Variants in SEC24B observed in about 807,000 individuals in gnomAD.
SEC24B encodes protein transport protein Sec24B.
A neutral mutation model predicts 142.8 loss-of-function variants in SEC24B; 45 were observed. The ratio of observed to expected loss-of-function variants is 0.32; its 90% CI spans 0.25 to 0.40. SEC24B has a LOEUF of 0.40. Ranked by LOEUF, SEC24B falls within the 10% of genes least tolerant of loss-of-function variation. SEC24B has a pLI of 1.00. For missense variants in SEC24B, 1,409 were observed against 1,526.8 expected (o/e 0.92, Z 1.29); for synonymous variants, 574 against 568.2 (o/e 1.01, Z -0.15).
intron 23 of SEC24B, among the ~76,000 whole-genome samples, chr4:109,539,069 C>T (rs1198154517): frequency 4.6e-5 from 7 of 151,986 alleles, no homozygotes; most frequent in African/African-American, 1.7e-4. Flanking sequence ...TCAAGCGATT[C>T]GCCTGCCTCA....
At chr4:109,459,653 G>C (rs1227893683) in intron 1 of SEC24B, among the ~76,000 whole-genome samples, 1 of 152,124 alleles carries the variant, frequency 6.6e-6, no homozygotes, top group Non-Finnish European at 1.5e-5. Context: ...AAAGTAAATA[G>C]ACTTATTCTG....
intron 10 of SEC24B, among the ~76,000 whole-genome samples, chr4:109,515,851 C>A (rs1289825443): frequency 6.6e-6 from 1 of 151,738 alleles, no homozygotes; most frequent in Non-Finnish European, 1.5e-5. Context: ...ACCAGCCTGG[C>A]CAACATAGTG....
chr4:109,522,803 AT>A (rs1225872705), intron 14 of SEC24B, among the ~76,000 whole-genome samples: 1 of 152,210 alleles, frequency 6.6e-6, no homozygotes, highest in African/African-American at 2.4e-5. Context: ...TGGAGAATAT[AT>A]TGTGCGCATT....
chr4:109,434,154 G>A, intron 1 of SEC24B, 152 bp downstream of exon 1: 1 of 439,740 alleles, frequency 2.3e-6, no homozygotes, highest in South Asian at 9.6e-5. Context: ...GAGGCCGCGG[G>A]GTCCGGGTTG....
At chr4:109,538,753 T>C (rs567629428) in intron 23 of SEC24B, among the ~76,000 whole-genome samples, 157 bp downstream of exon 23, 16 of 152,240 alleles carry the variant, frequency 1.1e-4, no homozygotes, top group African/African-American at 3.9e-4. Context: ...TTCTGACATC[T>C]CCATATATTA....
intron 3 of SEC24B, 60 bp downstream of exon 3, chr4:109,473,246 T>A: frequency 8.3e-7 from 1 of 1,211,534 alleles, no homozygotes; most frequent in Non-Finnish European, 1.1e-6. Flanking sequence ...TTATAGAAGA[T>A]ATGAAAAAAA....
intron 1 of SEC24B, among the ~76,000 whole-genome samples, chr4:109,456,669 T>G (rs1199240660): frequency 6.6e-6 from 1 of 152,210 alleles, no homozygotes. Context: ...GGCTTTTTCT[T>G]AAGTCTGTTA....
intron 4 of SEC24B, among the ~76,000 whole-genome samples, chr4:109,482,266 G>C (rs1378509706): frequency 6.6e-6 from 1 of 152,188 alleles, no homozygotes; most frequent in African/African-American, 2.4e-5. Flanking sequence ...AGAAGGCCCA[G>C]AATTTGTAGT....
intron 6 of SEC24B, among the ~76,000 whole-genome samples, chr4:109,505,073 G>A (rs1736540914): frequency 6.6e-6 from 1 of 151,962 alleles, no homozygotes; most frequent in Non-Finnish European, 1.5e-5. Flanking sequence ...TTAACTATAG[G>A]CAGAGGTGTC....
intron 6 of SEC24B, among the ~76,000 whole-genome samples, chr4:109,499,415 A>T (rs1224489994): frequency 6.6e-6 from 1 of 152,148 alleles, no homozygotes; most frequent in Non-Finnish European, 1.5e-5. Context: ...AGACAGGAGA[A>T]TCACTTGAGC....
chr4:109,461,854 A>G (rs1731289295), intron 1 of SEC24B, among the ~76,000 whole-genome samples: 1 of 152,212 alleles, frequency 6.6e-6, no homozygotes, highest in Non-Finnish European at 1.5e-5. Flanking sequence ...CATGCCTATA[A>G]TCCCAGCATT....
In SEC24B at chr4:109,533,574, T is replaced by C; in HGVS notation, c.3496-19T>C. 1 of 1,486,900 alleles carries C rather than the reference T, an allele frequency of 6.7e-7. No homozygotes were observed. Among genetic ancestry groups the C allele is most frequent in the Non-Finnish European group, 9.4e-7 (1 of 1,066,654 alleles). 92.1% of individuals were successfully genotyped at this position (1,486,900 alleles called of 1,614,324 possible). ...TAACTATTAGGGAGTTTTAATATTT[T>C]GTTGCTTTTTCTTTTTAGGTTTTTT... On this transcript the variant is annotated intron_variant, in intron 21 of 23. Transcript: ENST00000265175.
At chr4:109,504,302 C>G (rs1736471663) in intron 6 of SEC24B, among the ~76,000 whole-genome samples, 1 of 152,150 alleles carries the variant, frequency 6.6e-6, no homozygotes, top group Non-Finnish European at 1.5e-5. Context: ...CAGACTGTTT[C>G]AAAAATGCCT....
At chr4:109,479,769 G>T (rs1226565940) in intron 3 of SEC24B, among the ~76,000 whole-genome samples, 1 of 152,020 alleles carries the variant, frequency 6.6e-6, no homozygotes, top group Non-Finnish European at 1.5e-5. Context: ...TTTGTCAGAA[G>T]AATGTGCCAC....
intron 1 of SEC24B, among the ~76,000 whole-genome samples, chr4:109,453,030 T>G (rs966702124): frequency 2.5e-4 from 38 of 152,134 alleles, no homozygotes; most frequent in African/African-American, 9.2e-4. Flanking sequence ...AAGCTGGGTA[T>G]CTGGGGGAGA....
chr4:109,509,943 C>T, intron 7 of SEC24B, 66 bp from the exon 8 acceptor site: 2 of 921,336 alleles, frequency 2.2e-6, no homozygotes, highest in East Asian at 5.3e-5. Flanking sequence ...TCTTAGTTAT[C>T]TTATCTACTT....
At chr4:109,435,378 CTTGTTTTTGT>C (rs1240578857) in intron 1 of SEC24B, among the ~76,000 whole-genome samples, 3 of 152,062 alleles carry the variant, frequency 2.0e-5, no homozygotes, top group Non-Finnish European at 4.4e-5. Flanking sequence ...AATATAAGTT[CTTGTTTTTGT>C]TTGTTTTTAA....
chr4:109,480,904 G>A (rs1459004544), intron 3 of SEC24B, among the ~76,000 whole-genome samples: 1 of 152,124 alleles, frequency 6.6e-6, no homozygotes, highest in Admixed American at 6.5e-5. Context: ...AAGGGAATTA[G>A]TAAACAGTTA....
intron 8 of SEC24B, among the ~76,000 whole-genome samples, chr4:109,511,741 G>A (rs1578943902): frequency 6.6e-6 from 1 of 152,146 alleles, no homozygotes; most frequent in African/African-American, 2.4e-5. Flanking sequence ...TGTTTGTTAT[G>A]ACTTTATTTT....
Sources: allele counts gnomAD v4.1 joint callset (sites outside exome capture counted in the v4.1 genomes callset), GRCh38; gene constraint gnomAD v4.1.1; transcripts MANE v1.5; gene names NCBI Gene and HGNC (gene_info 2026-07-23, HGNC 2026-07-21).